The following ATM variants were observed in gnomAD, a reference collection of about 807,000 sequenced individuals.
The protein encoded by ATM is serine-protein kinase ATM.
In ATM, 308 loss-of-function variants were observed where a neutral mutation model predicts 387.0. The ratio of observed to expected loss-of-function variants is 0.80; its 90% confidence interval spans 0.73 to 0.87. The LOEUF is 0.87. ATM is among the 40% of genes least tolerant of loss of function. The pLI, the probability that ATM is intolerant of heterozygous loss-of-function variation, is 0.00. For missense variants in ATM, 3,312 were observed against 3,560.9 expected (o/e 0.93, Z 1.78); for synonymous variants, 1,156 against 1,187.3 (o/e 0.97, Z 0.54).
intron 57 of ATM, 134 bp downstream of exon 57, chr11:108,343,505 A>G (rs1357962558): frequency 2.8e-6 from 3 of 1,060,450 alleles, no homozygotes; most frequent in Non-Finnish European, 4.1e-6. Context: ...TAAGTAAAAG[A>G]AAAACTCATC....
chr11:108,287,586 T>G lies in ATM; in HGVS notation c.3994-14T>G, dbSNP rs1255634399. The G allele has an allele frequency of 6.6e-7, 1 of 1,512,656 alleles. No individual in the cohort carries two copies. Among genetic ancestry groups the G allele is most frequent in the African/African-American group, 1.4e-5 (1 of 73,014 alleles). 93.7% of individuals were successfully genotyped at this position (1,512,656 alleles called of 1,614,324 possible). A position where few individuals can be genotyped will look rare whatever the true frequency, so the allele number is the denominator to read the frequency against. On this transcript the variant is annotated splice_polypyrimidine_tract_variant and intron_variant, in intron 26 of 62. Transcript: ENST00000675843. ...ATAAAATATTAAATATATTTTAATT[T>G]TGTGCCCTTGCAGATTGATCACTTA...
chr11:108,252,796 G>A (rs2080224980), intron 11 of ATM, 21 bp from the exon 12 acceptor site: 1 of 1,534,180 alleles, frequency 6.5e-7, no homozygotes, highest in African/African-American at 1.4e-5. Context: ...TCTAAGTGAA[G>A]CTTTTTGTTT....
rs730881319 is a variant in ATM, at chr11:108,332,021, G to A, written c.7772G>A (p.Ser2591Asn). ...ATAACTAAAAATGTGCCTAAACAAA[G>A]CTCTCAGCTTGATGAGGTATTTGGA... ...SRITKNVPKQ[S>N]SQLDEDRTEA... Residue 2591 changes from serine (S) to asparagine (N), a missense_variant, in exon 52 of 63, where the codon AGC becomes AAC. Ser to Asn is a conservative substitution (Grantham distance 46, BLOSUM62 1). Coordinates refer to ENST00000675843, the MANE Select transcript of ATM (RefSeq NM_000051.4). The A allele has an allele frequency of 6.2e-7, 1 of 1,613,828 alleles. No individual in the cohort carries two copies. Among genetic ancestry groups the A allele is most frequent in the Non-Finnish European group, 8.5e-7 (1 of 1,179,874 alleles).
At chr11:108,303,983 A>G (rs1205800220) in intron 36 of ATM, among the ~76,000 whole-genome samples, 2 of 152,174 alleles carry the variant, frequency 1.3e-5, no homozygotes, top group Non-Finnish European at 2.9e-5. Flanking sequence ...TTAGTAATCT[A>G]TAACCTGTCT....
intron 3 of ATM, 57 bp downstream of exon 3, chr11:108,227,945 G>A (rs2135016860): frequency 7.1e-7 from 1 of 1,410,038 alleles, no homozygotes; most frequent in Non-Finnish European, 1.0e-6. Flanking sequence ...ATTTATTTCT[G>A]TTGTGATATT....
chr11:108,345,706 A>G lies in ATM; in HGVS notation c.8419-37A>G. On this transcript the variant is annotated intron_variant, in intron 57 of 62. Coordinates refer to ENST00000675843, the MANE Select transcript of ATM (RefSeq NM_000051.4). ...GTGTATATTAGTTTAATTGAACACA[A>G]TATTGAAAAATAATTATATATATTC... 6.9e-7 allele frequency: 1 copy of G among 1,445,542 alleles called. No homozygotes were observed. Among genetic ancestry groups the G allele is most frequent in the South Asian group, 1.3e-5 (1 of 75,638 alleles). 89.5% of individuals were successfully genotyped at this position (1,445,542 alleles called of 1,614,324 possible).
At chr11:108,264,189 G>T (rs375609705) in intron 16 of ATM, among the ~76,000 whole-genome samples, 1 of 151,826 alleles carries the variant, frequency 6.6e-6, no homozygotes, top group African/African-American at 2.4e-5. Context: ...AAAAGAGAAT[G>T]TTAGACCAAT....
At chr11:108,249,526 T>C (rs893498221) in intron 9 of ATM, among the ~76,000 whole-genome samples, 1 of 152,238 alleles carries the variant, frequency 6.6e-6, no homozygotes, top group African/African-American at 2.4e-5. Context: ...AAAGTTATTT[T>C]CTCTTATTTT....
chr11:108,239,016 G>T (rs973366178), intron 5 of ATM, among the ~76,000 whole-genome samples: 2 of 151,802 alleles, frequency 1.3e-5, no homozygotes, highest in Non-Finnish European at 2.9e-5. Flanking sequence ...TATGAATTTG[G>T]CTATTTGGGG....
At chr11:108,251,250 T>C (rs2135332263) in intron 10 of ATM, among the ~76,000 whole-genome samples, 178 bp downstream of exon 10, 1 of 152,352 alleles carries the variant, frequency 6.6e-6, no homozygotes, top group East Asian at 1.9e-4. Context: ...GAATTTAGTT[T>C]CAAATGTTGA....
intron 29 of ATM, among the ~76,000 whole-genome samples, chr11:108,291,279 G>A (rs1277071381): frequency 6.6e-6 from 1 of 152,170 alleles, no homozygotes; most frequent in Non-Finnish European, 1.5e-5. Flanking sequence ...AATTGGGGTT[G>A]TTCAATTTAG....
chr11:108,333,235 C>T (rs970878720), intron 53 of ATM, among the ~76,000 whole-genome samples: 4 of 151,892 alleles, frequency 2.6e-5, no homozygotes, highest in Admixed American at 6.6e-5. Flanking sequence ...TTTTTTTAAA[C>T]GATGTGGTTA....
chr11:108,348,254 G>C (rs925819306), intron 59 of ATM, among the ~76,000 whole-genome samples: 1 of 148,222 alleles, frequency 6.7e-6, no homozygotes, highest in Non-Finnish European at 1.5e-5. Context: ...ATAAAAGAAA[G>C]AGAATATATA....
At chr11:108,324,410 AT>A (rs1228301392) in intron 45 of ATM, among the ~76,000 whole-genome samples, 1 of 152,142 alleles carries the variant, frequency 6.6e-6, no homozygotes, top group Non-Finnish European at 1.5e-5. Flanking sequence ...AAATTAATAC[AT>A]TTTAGATTTT....
chr11:108,237,233 G>C (rs2079323815), intron 5 of ATM, among the ~76,000 whole-genome samples: 1 of 152,152 alleles, frequency 6.6e-6, no homozygotes, highest in Non-Finnish European at 1.5e-5. Flanking sequence ...GTCTGTAACA[G>C]GGCCCTCAAC....
intron 29 of ATM, among the ~76,000 whole-genome samples, chr11:108,291,986 G>A (rs953840348): frequency 2.6e-5 from 4 of 152,182 alleles, no homozygotes; most frequent in African/African-American, 9.7e-5. Flanking sequence ...CCTCTTGTAT[G>A]TCTCAACAGT....
rs2079136020 is a variant in ATM, at chr11:108,233,795, C to T, written c.332-1875C>T. ...CCAGGAGGTCAAGGCTGCAGTGAGT[C>T]ATAATGGGGCCACTGCACTCCAGCT... On this transcript the variant is annotated intron_variant, in intron 4 of 62. Transcript: ENST00000675843. 2.0e-5 allele frequency among the ~76,000 whole-genome samples: 3 copies of T among 151,896 alleles called. No homozygotes were observed. In the South Asian group the frequency reaches 6.2e-4, roughly 32 times the overall value.
At chr11:108,255,395 C>A (rs1353014310) in intron 13 of ATM, among the ~76,000 whole-genome samples, 1 of 142,222 alleles carries the variant, frequency 7.0e-6, no homozygotes, top group Non-Finnish European at 1.5e-5. Flanking sequence ...TTAGCAGATT[C>A]TTAGTAATTC....
At chr11:108,227,530 C>T (rs935580590) in intron 1 of ATM, 65 bp from the exon 2 acceptor site, 3 of 1,022,416 alleles carry the variant, frequency 2.9e-6, no homozygotes, top group Admixed American at 3.7e-5. Context: ...TTTTTCACAC[C>T]TCTTTCTCTC....
Sources: allele counts gnomAD v4.1 joint callset (sites outside exome capture counted in the v4.1 genomes callset), GRCh38; gene constraint gnomAD v4.1.1; transcripts MANE v1.5; gene names NCBI Gene and HGNC (gene_info 2026-07-23, HGNC 2026-07-21).